The following GLI3 variants were observed in gnomAD, a reference collection of about 807,000 sequenced individuals.
GLI3 encodes the protein transcription activator GLI3.
Under a neutral mutation model 100.8 loss-of-function variants are expected in GLI3, and 20 were observed. That is an observed-to-expected ratio of 0.20 (90% CI 0.14 to 0.29). The LOEUF is 0.29. GLI3 is among the 10% of genes least tolerant of loss of function. The pLI, the probability that GLI3 is intolerant of heterozygous loss-of-function variation, is 1.00. For synonymous variants in GLI3, 938 were observed against 860.5 expected, an observed-to-expected ratio of 1.09 and a Z score of -1.58; for missense variants, 2,040 against 2,128.5, an observed-to-expected ratio of 0.96 and a Z score of 0.82.
chr7:41,989,169 A>G (rs1471634128), intron 10 of GLI3, among the ~76,000 whole-genome samples: 1 of 152,258 alleles, frequency 6.6e-6, no homozygotes, highest in African/African-American at 2.4e-5. Context: ...TATAGAGTTA[A>G]GCAAGTAAGG....
intron 10 of GLI3, among the ~76,000 whole-genome samples, chr7:42,003,617 T>C (rs1479832847): frequency 1.3e-5 from 2 of 152,220 alleles, no homozygotes; most frequent in South Asian, 2.1e-4. Flanking sequence ...CCGAGATTCT[T>C]CTGGAGAAAA....
rs527712611 is a variant in GLI3 at position 41,976,819 on chromosome 7, A to G, written c.1812+739T>C. On this transcript the variant is annotated intron_variant, in intron 12 of 14. Coordinates refer to ENST00000395925, the MANE Select transcript of GLI3 (RefSeq NM_000168.6). Reference sequence around the variant, plus strand: ...ATTTGAGCTAGACCTCCAAGGCCAAATTGGAAGTCTGTAGGAAGATGTTCA... The same window carrying G: ...ATTTGAGCTAGACCTCCAAGGCCAAGTTGGAAGTCTGTAGGAAGATGTTCA... 2.0e-5 allele frequency among the ~76,000 whole-genome samples: 3 copies of G among 152,334 alleles called. No individual in the cohort carries two copies. The South Asian group carries it at 6.2e-4, about 32-fold the overall frequency.
intron 1 of GLI3, among the ~76,000 whole-genome samples, chr7:42,260,821 G>C (rs1196457043): frequency 6.6e-6 from 1 of 152,134 alleles, no homozygotes; most frequent in Non-Finnish European, 1.5e-5. Flanking sequence ...CAATTTTCCT[G>C]ATAGAGAGGG....
At position 42,023,386 on chromosome 7, in the gene GLI3, T is replaced by A. The variant is rs1788999583; in HGVS notation, c.1497+82A>T. On this transcript the variant is annotated intron_variant, in intron 10 of 14. Coordinates refer to ENST00000395925, the MANE Select transcript of GLI3 (RefSeq NM_000168.6). ...CAATGCGGCTCCTAAGAAACTTGACTCAGCTCAGGGTCAGAGAGGCTGACC... is the reference window on the plus strand; with the variant it reads ...CAATGCGGCTCCTAAGAAACTTGACACAGCTCAGGGTCAGAGAGGCTGACC... 3.9e-5 allele frequency: 57 copies of A among 1,443,464 alleles called. No homozygotes were observed. The South Asian group carries it at 5.9e-4, about 15-fold the overall frequency. The allele number at this position is 1,443,464 out of a possible 1,614,324, so 89.4% of individuals were successfully genotyped here.
At chr7:41,973,690 A>G (rs986361275) in intron 12 of GLI3, among the ~76,000 whole-genome samples, 2 of 152,208 alleles carry the variant, frequency 1.3e-5, no homozygotes, top group African/African-American at 4.8e-5. Context: ...TACCTATTAT[A>G]TTTAAAAGGA....
intron 2 of GLI3, among the ~76,000 whole-genome samples, chr7:42,190,777 TAA>T (rs1168416037): frequency 6.6e-6 from 1 of 152,114 alleles, no homozygotes; most frequent in Non-Finnish European, 1.5e-5. Flanking sequence ...GCAAAAATAC[TAA>T]GATACTAAAT....
At chr7:42,157,027 G>T (rs1395111559) in intron 2 of GLI3, among the ~76,000 whole-genome samples, 1 of 152,196 alleles carries the variant, frequency 6.6e-6, no homozygotes, top group Non-Finnish European at 1.5e-5. Context: ...TGCCCTTGCA[G>T]GAATCAGGCG....
At chr7:42,070,561 T>A (rs1486011638) in intron 4 of GLI3, among the ~76,000 whole-genome samples, 1 of 152,234 alleles carries the variant, frequency 6.6e-6, no homozygotes, top group Admixed American at 6.5e-5. Flanking sequence ...AAGGTTTCCA[T>A]GTCTTTAAAA....
intron 2 of GLI3, among the ~76,000 whole-genome samples, chr7:42,183,067 C>T (rs1227409024): frequency 6.6e-6 from 1 of 151,710 alleles, no homozygotes; most frequent in Admixed American, 6.6e-5. Context: ...CTAAAAATAA[C>T]AAAAAAATAA....
chr7:42,108,494 C>A (rs1785628766), intron 3 of GLI3, among the ~76,000 whole-genome samples: 1 of 152,136 alleles, frequency 6.6e-6, no homozygotes, highest in Non-Finnish European at 1.5e-5. Context: ...GACTCTTCCT[C>A]TGGGTAGCTT....
intron 3 of GLI3, among the ~76,000 whole-genome samples, chr7:42,134,038 G>A (rs560513027): frequency 2.7e-5 from 4 of 147,754 alleles, no homozygotes; most frequent in African/African-American, 9.9e-5. Context: ...CCGAGATTGT[G>A]CCACTGCACT....
chr7:41,983,894 C>T (rs1218807589), intron 10 of GLI3, among the ~76,000 whole-genome samples: 1 of 152,168 alleles, frequency 6.6e-6, no homozygotes, highest in Admixed American at 6.5e-5. Flanking sequence ...GAAGTGAACA[C>T]CTCATGAGCC....
intron 4 of GLI3, among the ~76,000 whole-genome samples, chr7:42,074,928 C>G (rs1336268772): frequency 6.6e-6 from 1 of 152,122 alleles, no homozygotes; most frequent in East Asian, 1.9e-4. Context: ...GCAGGAAGAA[C>G]TAAAATCCAA....
chr7:42,176,739 A>G (rs1001548259), intron 2 of GLI3, among the ~76,000 whole-genome samples: 1 of 152,186 alleles, frequency 6.6e-6, no homozygotes, highest in African/African-American at 2.4e-5. Context: ...TCTCCTTTGG[A>G]GGTCAGTGAA....
chr7:42,035,128 C>A (rs989986607), intron 7 of GLI3, among the ~76,000 whole-genome samples: 1 of 152,150 alleles, frequency 6.6e-6, no homozygotes, highest in Admixed American at 6.5e-5. Context: ...AAGGGAATGT[C>A]ATCTCCAAAT....
At chr7:42,015,854 AG>A (rs1387730227) in intron 10 of GLI3, among the ~76,000 whole-genome samples, 1 of 152,156 alleles carries the variant, frequency 6.6e-6, no homozygotes, top group Non-Finnish European at 1.5e-5. Context: ...ACATTTAAAC[AG>A]GAGAAACTTT....
intron 4 of GLI3, among the ~76,000 whole-genome samples, chr7:42,052,471 A>G (rs1784371232): frequency 6.6e-6 from 1 of 152,188 alleles, no homozygotes; most frequent in South Asian, 2.1e-4. Flanking sequence ...CTTTGAAGGA[A>G]TGGGATTTGA....
intron 10 of GLI3, among the ~76,000 whole-genome samples, chr7:41,988,563 G>A (rs1787895530): frequency 6.6e-6 from 1 of 151,812 alleles, no homozygotes; most frequent in African/African-American, 2.4e-5. Context: ...ACTGGAGGGA[G>A]CCCTCTCCCT....
At chr7:42,186,651 G>T (rs929440686) in intron 2 of GLI3, among the ~76,000 whole-genome samples, 1 of 152,148 alleles carries the variant, frequency 6.6e-6, no homozygotes, top group African/African-American at 2.4e-5. Context: ...TTAGTCACTG[G>T]AAGGCCCACA....
Sources: allele counts gnomAD v4.1 joint callset (sites outside exome capture counted in the v4.1 genomes callset), GRCh38; gene constraint gnomAD v4.1.1; transcripts MANE v1.5; gene names NCBI Gene and HGNC (gene_info 2026-07-23, HGNC 2026-07-21).